Variants in HMG20A observed in about 807,000 individuals in gnomAD.
The protein encoded by HMG20A is high mobility group protein 20A.
A neutral mutation model predicts 43.9 loss-of-function variants in HMG20A; 17 were observed. That is an observed-to-expected ratio of 0.39 (90% CI 0.27 to 0.58). The LOEUF is 0.58. Among genes scored for constraint, HMG20A ranks in the 20% least tolerant of loss-of-function variants. HMG20A has a pLI of 0.59. For missense variants in HMG20A, 341 were observed against 438.2 expected (o/e 0.78, Z 1.98); for synonymous variants, 132 against 147.5 (o/e 0.89, Z 0.76).
chr15:77,461,077 A>G (rs2072700710), intron 2 of HMG20A, among the ~76,000 whole-genome samples: 1 of 152,020 alleles, frequency 6.6e-6, no homozygotes, highest in African/African-American at 2.4e-5. Context: ...AAGCCAGAAG[A>G]GTGAAGGGTC....
At chr15:77,515,688 G>T in the HMG20A span, among the ~76,000 whole-genome samples, 3 of 152,164 alleles carry the variant, frequency 2.0e-5, no homozygotes, top group Non-Finnish European at 4.4e-5. Flanking sequence ...ATCACGAAGT[G>T]AATTCACTCA....
chr15:77,440,755 A>G (rs1384447538), intron 1 of HMG20A, among the ~76,000 whole-genome samples: 1 of 152,176 alleles, frequency 6.6e-6, no homozygotes, highest in Non-Finnish European at 1.5e-5. Context: ...CCCATGAGTT[A>G]CATGGTCCTT....
chr15:77,438,228 C>T (rs1176482502), intron 1 of HMG20A, among the ~76,000 whole-genome samples: 3 of 150,366 alleles, frequency 2.0e-5, no homozygotes, highest in Admixed American at 6.7e-5. Context: ...ATCCTCCCAC[C>T]TTGGCCTCCC....
chr15:77,467,419 C>A, intron 4 of HMG20A, 112 bp downstream of exon 4: 3 of 837,438 alleles, frequency 3.6e-6, no homozygotes, highest in Non-Finnish European at 5.7e-6. Flanking sequence ...TGTCACAGTG[C>A]CTAGGAGACC....
downstream of HMG20A, among the ~76,000 whole-genome samples, chr15:77,490,353 G>A (rs572286301): frequency 2.0e-5 from 3 of 152,246 alleles, no homozygotes; most frequent in Admixed American, 2.0e-4. Context: ...TGTGGGGTGG[G>A]CAAGAGAAGA....
intron 1 of HMG20A, among the ~76,000 whole-genome samples, chr15:77,434,013 TGTG>T (rs1242450238): frequency 1.3e-5 from 2 of 152,216 alleles, no homozygotes; most frequent in Non-Finnish European, 2.9e-5. Flanking sequence ...GTAATTACAA[TGTG>T]GTAATGGCGC....
chr15:77,471,041 A>C lies in HMG20A; in HGVS notation c.582A>C (p.Gln194His). The C allele has an allele frequency of 6.2e-7, 1 of 1,609,198 alleles. No homozygotes were observed. Among genetic ancestry groups the C allele is most frequent in the Non-Finnish European group, 8.5e-7 (1 of 1,178,680 alleles). ...QDRQKGKSHR[Q>H]DAARQATHDH... ...GTCAGAAAGGCAAATCTCATAGGCA[A>C]GGTATCAAAACCAGAACCAAATGTA... The change falls in exon 5 of 10, where the codon CAA (glutamine) becomes CAC (histidine). Residue 194 changes from glutamine (Q) to histidine (H), a missense_variant and splice_region_variant. By Grantham distance (24) the Gln-to-His change is conservative (BLOSUM62 0). Coordinates refer to ENST00000336216, the MANE Select transcript of HMG20A (RefSeq NM_001304504.2).
the HMG20A span, among the ~76,000 whole-genome samples, chr15:77,503,169 A>G: frequency 1.3e-5 from 2 of 152,204 alleles, no homozygotes; most frequent in African/African-American, 4.8e-5. Context: ...GACAAAGCAT[A>G]GATAGATAAG....
At chr15:77,486,745 G>C (rs755827732), downstream of HMG20A, among the ~76,000 whole-genome samples, 98 of 152,254 alleles carry the variant, frequency 6.4e-4, 1 homozygote, top group Non-Finnish European at 8.5e-4. Flanking sequence ...TTCCTCTTCT[G>C]ACATAACACG....
intron 7 of HMG20A, 90 bp downstream of exon 7, chr15:77,477,720 G>C (rs2072869363): frequency 1.2e-6 from 1 of 838,414 alleles, no homozygotes; most frequent in Non-Finnish European, 2.0e-6. Context: ...AGCAATGGTA[G>C]TGTTATCCCT....
chr15:77,473,496 A>G (rs924855413), intron 6 of HMG20A, among the ~76,000 whole-genome samples: 1 of 152,212 alleles, frequency 6.6e-6, no homozygotes, highest in Admixed American at 6.5e-5. Flanking sequence ...ATTAGATCTC[A>G]CATTTTCTAG....
At chr15:77,497,655 TAGAG>T in the HMG20A span, among the ~76,000 whole-genome samples, 158 of 128,046 alleles carry the variant, frequency 1.2e-3, no homozygotes, top group African/African-American at 3.6e-3. Context: ...GAGATATTAA[TAGAG>T]AGAGAGAGAG....
chr15:77,465,501 T>C (rs2072749310), intron 3 of HMG20A, among the ~76,000 whole-genome samples: 1 of 151,776 alleles, frequency 6.6e-6, no homozygotes, highest in South Asian at 2.1e-4. Flanking sequence ...GTTCAAGCTA[T>C]TCTCCTGCCC....
chr15:77,490,178 C>A (rs1226270692), downstream of HMG20A, among the ~76,000 whole-genome samples: 1 of 152,186 alleles, frequency 6.6e-6, no homozygotes, highest in Non-Finnish European at 1.5e-5. Flanking sequence ...ATCCCAGCTA[C>A]TCAGGAGTCT....
At chr15:77,490,639 G>A in the HMG20A span, among the ~76,000 whole-genome samples, 22 of 152,160 alleles carry the variant, frequency 1.4e-4, no homozygotes, top group Admixed American at 1.2e-3. Context: ...CCTGGGCAAC[G>A]TGGTGAAACC....
the HMG20A span, among the ~76,000 whole-genome samples, chr15:77,506,938 G>A: frequency 6.6e-6 from 1 of 152,228 alleles, no homozygotes; most frequent in South Asian, 2.1e-4. Context: ...TTCATGCTAT[G>A]TGTCCACTTG....
Position 77,420,933 on chromosome 15 carries a change from C to G in HMG20A, c.-76C>G, listed in dbSNP as rs1191894724. 16 of 398,606 alleles carry G rather than the reference C, an allele frequency of 4.0e-5. No homozygotes were observed. Among genetic ancestry groups the G allele is most frequent in the Non-Finnish European group, 7.1e-5 (16 of 226,122 alleles). The allele number at this position is 398,606 out of a possible 1,614,324, so 24.7% of individuals were successfully genotyped here. A position where few individuals can be genotyped will look rare whatever the true frequency, so the allele number is the denominator to read the frequency against. On this transcript the variant is annotated 5_prime_UTR_variant, in exon 1 of 10. Transcript: ENST00000336216. Reference sequence around the variant, plus strand: ...GTGAAGTGAAGGCGATTGAGAGGGGCTGAGGGAATTGTCCTCTGTGGAAGG... The same window carrying G: ...GTGAAGTGAAGGCGATTGAGAGGGGGTGAGGGAATTGTCCTCTGTGGAAGG...
chr15:77,512,922 T>A, the HMG20A span, among the ~76,000 whole-genome samples: 1 of 152,182 alleles, frequency 6.6e-6, no homozygotes, highest in African/African-American at 2.4e-5. Flanking sequence ...CCTGACAGGA[T>A]GCAATGCAAA....
At chr15:77,452,588 A>G (rs1261998745) in intron 1 of HMG20A, among the ~76,000 whole-genome samples, 1 of 152,224 alleles carries the variant, frequency 6.6e-6, no homozygotes, top group Non-Finnish European at 1.5e-5. Flanking sequence ...GTCAGAGAAT[A>G]TGGTGCATTT....
Sources: allele counts gnomAD v4.1 joint callset (sites outside exome capture counted in the v4.1 genomes callset), GRCh38; gene constraint gnomAD v4.1.1; transcripts MANE v1.5; gene names NCBI Gene and HGNC (gene_info 2026-07-23, HGNC 2026-07-21).